PASK: variants seen among roughly 807,000 people sequenced by gnomAD.
PASK encodes PAS domain containing serine/threonine kinase, also known as PAS domain-containing serine/threonine-protein kinase.
In PASK, 110 loss-of-function variants were observed where a neutral mutation model predicts 121.0. That is an observed-to-expected ratio of 0.91 (90% CI 0.78 to 1.06). The LOEUF (loss-of-function observed/expected upper bound fraction) is 1.06, where lower values mean the gene tolerates loss of function less well. Among genes scored for constraint, PASK ranks in the 50% least tolerant of loss-of-function variants. The probability of loss-of-function intolerance (pLI) is 0.00; values close to 1 mark genes in which losing one functional copy is unlikely to be tolerated. For missense variants in PASK, 1,643 were observed against 1,702.3 expected (o/e 0.97, Z 0.61); for synonymous variants, 686 against 717.8 (o/e 0.96, Z 0.71).
Position 241,108,432 on chromosome 2 carries a change from TCCACC to T in PASK, c.3534-137_3534-133del. 1 of 880,368 alleles carries T rather than the reference TCCACC, an allele frequency of 1.1e-6. No individual in the cohort carries two copies. Among genetic ancestry groups the T allele is most frequent in the East Asian group, 2.6e-5 (1 of 38,316 alleles). 54.5% of individuals were successfully genotyped at this position (880,368 alleles called of 1,614,324 possible). On this transcript the variant is annotated intron_variant, in intron 15 of 17. Transcript: ENST00000234040. This position sits in a 1 kb window ranked among gnomAD's most constrained non-coding sequence, Gnocchi z 5.2. ...AGTGGTTTCCCAAGAGGAGGGTCACTCCACCCCTCAAACACGCCCTCCATTTCCAC... is the reference window on the plus strand; with the variant it reads ...AGTGGTTTCCCAAGAGGAGGGTCACTCCTCAAACACGCCCTCCATTTCCAC...
rs2074823 is a variant in PASK, at chr2:241,112,088, C to A, written c.3533+152G>T. 50,784 of 703,844 alleles carry A rather than the reference C, an allele frequency of 0.072. 2,219 individuals are homozygous for A. The highest frequency in any genetic ancestry group is 0.14 in the African/African-American group (8,185 of 57,038). 43.6% of individuals were successfully genotyped at this position (703,844 alleles called of 1,614,324 possible). ...CCTTTGCCCAATATGACCTTGCCTGCCTGCCCACTTACTTTCCAGCATATC... is the reference window on the plus strand; with the variant it reads ...CCTTTGCCCAATATGACCTTGCCTGACTGCCCACTTACTTTCCAGCATATC... On this transcript the variant is annotated intron_variant, in intron 15 of 17. Coordinates refer to ENST00000234040, the MANE Select transcript of PASK (RefSeq NM_015148.4). The surrounding 1 kb of genome is among the most constrained non-coding windows in gnomAD (Gnocchi z 5.2).
chr2:241,148,575 G>C (rs1035631743), intron 1 of PASK, among the ~76,000 whole-genome samples: 3 of 152,196 alleles, frequency 2.0e-5, no homozygotes, highest in African/African-American at 4.8e-5. Context: ...GGCCAAGCAT[G>C]AGCCCAGAGC....
intron 9 of PASK, among the ~76,000 whole-genome samples, chr2:241,129,227 G>A (rs1180501298): frequency 6.6e-6 from 1 of 152,206 alleles, no homozygotes; most frequent in Non-Finnish European, 1.5e-5. Context: ...CTGGGGCACA[G>A]TCCAGACACA....
rs1005285885 is a variant in PASK, at chr2:241,129,021, CCTCTCTCCCTCCATGTCTCCCAT to C, written c.1464-1593_1464-1571del. Among the ~76,000 whole-genome samples, 44 of 131,274 alleles carry C rather than the reference CCTCTCTCCCTCCATGTCTCCCAT, an allele frequency of 3.4e-4. No homozygotes were observed. The East Asian group carries it at 8.4e-3, about 25-fold the overall frequency. 86.1% of individuals were successfully genotyped at this position (131,274 alleles called of 152,430 possible). On this transcript the variant is annotated intron_variant, in intron 9 of 17. Coordinates refer to ENST00000234040, the MANE Select transcript of PASK (RefSeq NM_015148.4). ...TGCCTCTCTCCCTCCATGTCTCCCG[CCTCTCTCCCTCCATGTCTCCCAT>C]CTCTCTCTCCCCTGTACCTCCCTCT... is the stretch of plus-strand genomic sequence containing the variant.
At chr2:241,144,613 C>G (rs1454686945) in intron 1 of PASK, among the ~76,000 whole-genome samples, 1 of 152,242 alleles carries the variant, frequency 6.6e-6, no homozygotes, top group African/African-American at 2.4e-5. Flanking sequence ...TCCTCCCACA[C>G]TGGCACACCT....
At chr2:241,134,278 C>A (rs2066303986) in intron 8 of PASK, 1 of 151,920 alleles carries the variant, frequency 6.6e-6, no homozygotes, top group South Asian at 2.1e-4. Flanking sequence ...ATTTGGAATT[C>A]TGGAAAAAGG....
intron 8 of PASK, 79 bp downstream of exon 8, chr2:241,135,792 C>A: frequency 7.2e-7 from 1 of 1,386,234 alleles, no homozygotes; most frequent in Non-Finnish European, 1.0e-6. Context: ...TCCTGCTCCT[C>A]CCAGCCCTGT....
chr2:241,137,569 C>G (rs2066498402), intron 6 of PASK, among the ~76,000 whole-genome samples: 1 of 152,188 alleles, frequency 6.6e-6, no homozygotes, highest in Non-Finnish European at 1.5e-5. Context: ...CTGTGGGGCT[C>G]AGGCTCGGGG....
chr2:241,137,276 G>T lies in PASK; in HGVS notation c.877-12C>A, dbSNP rs747175638. 7 of 1,612,120 alleles carry T rather than the reference G, an allele frequency of 4.3e-6. No homozygotes were observed. Among genetic ancestry groups the T allele is most frequent in the Admixed American group, 3.3e-5 (2 of 60,014 alleles). ...TGAATCTTGAGATTCTGAAAGAAAG[G>T]CTTGTCGTTTGGCTTAAGCCGTGTT... On this transcript the variant is annotated splice_polypyrimidine_tract_variant and intron_variant, in intron 6 of 17. Transcript: ENST00000234040.
At chr2:241,131,692 C>T (rs561635738) in intron 9 of PASK, among the ~76,000 whole-genome samples, 2 of 152,224 alleles carry the variant, frequency 1.3e-5, no homozygotes, top group South Asian at 2.1e-4. Context: ...GGTCTGCAGG[C>T]AGCCAAGAAA....
chr2:241,107,746 C>T (rs2125398171), intron 16 of PASK, among the ~76,000 whole-genome samples: 1 of 152,352 alleles, frequency 6.6e-6, no homozygotes, highest in Middle Eastern at 3.4e-3. Flanking sequence ...TGCAGAGGTT[C>T]CTAACTGCTC....
chr2:241,140,537 T>A lies in PASK; in HGVS notation c.413A>T (p.Asp138Val), dbSNP rs765658424. ...AGCAAATACCTCTGTGGTCTTGGCA[T>A]CCACCGTGAAGATGGCCTTGTTAGG... The part of the protein sequence containing the change: ...CNPNKAIFTV[D>V]AKTTEILVAN... The change falls in exon 3 of 18, where the codon GAT (aspartate) becomes GTT (valine). Residue 138 changes from aspartate to valine, a missense_variant. Around this residue, in one of 3 missense-constraint regions of PASK, gnomAD observed 1,176 missense variants for 1,162.2 expected, o/e 1.01. Transcript: ENST00000234040. 10 of 1,611,556 alleles carry A rather than the reference T, an allele frequency of 6.2e-6. No individual in the cohort carries two copies. Among genetic ancestry groups the A allele is most frequent in the Non-Finnish European group, 8.5e-6 (10 of 1,177,966 alleles).
intron 8 of PASK, chr2:241,133,276 A>C (rs13019391): frequency 0.4 from 218,992 of 552,036 alleles, 46,422 homozygotes; most frequent in Middle Eastern, 0.5. Context: ...AGAGCACGGC[A>C]CTCACCTGCT....
intron 11 of PASK, among the ~76,000 whole-genome samples, chr2:241,123,276 C>A (rs926017987): frequency 1.3e-5 from 2 of 151,606 alleles, no homozygotes; most frequent in Non-Finnish European, 2.9e-5. Flanking sequence ...CCCAGGTTCA[C>A]GCCATTCTCC....
At chr2:241,138,242 T>C (rs1168953496) in intron 5 of PASK, among the ~76,000 whole-genome samples, 155 bp from the exon 6 acceptor site, 1 of 152,222 alleles carries the variant, frequency 6.6e-6, no homozygotes, top group East Asian at 1.9e-4. Flanking sequence ...GATAAGAGCT[T>C]CATCATCTGT....
chr2:241,149,440 C>G lies in PASK; in HGVS notation c.-69G>C, dbSNP rs74000398. The G allele has an allele frequency of 0.018, 10,297 of 560,348 alleles. 866 individuals are homozygous for G. Among genetic ancestry groups the G allele is most frequent in the African/African-American group, 0.18 (9,211 of 51,784 alleles). The allele number at this position is 560,348 out of a possible 1,614,324, so 34.7% of individuals were successfully genotyped here. A position where few individuals can be genotyped will look rare whatever the true frequency, so the allele number is the denominator to read the frequency against. ...TGGATCAGGCGAGGGTCACGCCAAGCCGGCTACACACCACGGAAAGGAGCC... is the reference window on the plus strand; with the variant it reads ...TGGATCAGGCGAGGGTCACGCCAAGGCGGCTACACACCACGGAAAGGAGCC... On this transcript the variant is annotated 5_prime_UTR_variant, in exon 1 of 18. Coordinates refer to ENST00000234040, the MANE Select transcript of PASK (RefSeq NM_015148.4).
intron 9 of PASK, among the ~76,000 whole-genome samples, chr2:241,128,695 C>T (rs758403851): frequency 5.3e-5 from 8 of 152,090 alleles, no homozygotes; most frequent in Admixed American, 2.6e-4. Context: ...AGTGAGACCT[C>T]GTCTCTACAA....
chr2:241,141,110 T>A (rs775078152), intron 2 of PASK, among the ~76,000 whole-genome samples: 28 of 152,102 alleles, frequency 1.8e-4, no homozygotes, highest in Admixed American at 6.6e-4. Flanking sequence ...CGAGACCCTG[T>A]CCCTACTAAA....
upstream of PASK, chr2:241,150,308 T>G: frequency 7.5e-7 from 1 of 1,335,352 alleles, no homozygotes; most frequent in Non-Finnish European, 9.6e-7. Context: ...TTACCTGCTC[T>G]GGGGGAGGCG....
Sources: allele counts gnomAD v4.1 joint callset (sites outside exome capture counted in the v4.1 genomes callset), GRCh38; gene constraint gnomAD v4.1.1; regional missense constraint gnomAD v4.1.1; non-coding constraint Gnocchi (gnomAD v3.1); transcripts MANE v1.5; gene names NCBI Gene and HGNC (gene_info 2026-07-23, HGNC 2026-07-21).